Variants in CRKL observed in about 807,000 individuals in gnomAD.
CRKL encodes the protein CRK like proto-oncogene, adaptor protein.
In CRKL, 3 loss-of-function variants were observed where a neutral mutation model predicts 23.0. That is an observed-to-expected ratio of 0.13 (90% confidence interval 0.06 to 0.34). The LOEUF (loss-of-function observed/expected upper bound fraction) is 0.34. CRKL is among the 10% of genes least tolerant of loss of function. CRKL has a pLI of 1.00. For synonymous variants in CRKL, 188 were observed against 160.7 expected, an observed-to-expected ratio of 1.17 and a Z score of -1.28; for missense variants, 256 against 394.5, an observed-to-expected ratio of 0.65 and a Z score of 2.97.
Position 20,938,871 on chromosome 22 carries a change from T to C in CRKL, c.777+4627T>C, listed in dbSNP as rs566835383. On this transcript the variant is annotated intron_variant, in intron 2 of 2. Coordinates refer to ENST00000354336, the MANE Select transcript of CRKL (RefSeq NM_005207.4). ...CCCATGGTGTGGCATAAGAAAACAA[T>C]TGGTGACACAAGCTGGGGATCTGTG... is the stretch of plus-strand genomic sequence containing the variant. Among the ~76,000 whole-genome samples, 6 of 152,218 alleles carry C rather than the reference T, an allele frequency of 3.9e-5. No homozygotes were observed. In the South Asian group the frequency reaches 1.0e-3, roughly 26 times the overall value.
At chr22:20,934,747 A>G (rs761330475) in intron 2 of CRKL, among the ~76,000 whole-genome samples, 1 of 152,002 alleles carries the variant, frequency 6.6e-6, no homozygotes, top group Non-Finnish European at 1.5e-5. Flanking sequence ...TAACATTGGA[A>G]TCAGTTGAGA....
intron 1 of CRKL, among the ~76,000 whole-genome samples, chr22:20,919,761 C>T (rs1200368015): frequency 1.3e-5 from 2 of 151,904 alleles, no homozygotes; most frequent in South Asian, 4.1e-4. Flanking sequence ...GATTTGTCGA[C>T]CGGGTATTAC....
intron 2 of CRKL, among the ~76,000 whole-genome samples, chr22:20,945,703 C>CT (rs1922033221): frequency 6.6e-6 from 1 of 152,206 alleles, no homozygotes; most frequent in Non-Finnish European, 1.5e-5. Flanking sequence ...CTTAAAGCCT[C>CT]TATCTCTCTG....
rs1233445264 is a variant in CRKL, at chr22:20,946,592, T to TAAAC, written c.778-3119_778-3118insAAAC. On this transcript the variant is annotated intron_variant, in intron 2 of 2. Coordinates refer to ENST00000354336, the MANE Select transcript of CRKL (RefSeq NM_005207.4). ...GTCAGCCACATCTCCCAGGTGTAGT[T>TAAAC]TGCCCCGTGAACTGAGTTGGTATCT... Among the ~76,000 whole-genome samples the TAAAC allele has an allele frequency of 6.1e-4, 93 of 152,266 alleles. 1 individual carries two copies. Among genetic ancestry groups the TAAAC allele is most frequent in the African/African-American group, 2.2e-3 (90 of 41,544 alleles).
At chr22:20,939,143 G>A (rs1921768028) in intron 2 of CRKL, among the ~76,000 whole-genome samples, 1 of 151,424 alleles carries the variant, frequency 6.6e-6, no homozygotes, top group Admixed American at 6.6e-5. Context: ...AGTTTATTGA[G>A]TGCCTATTAT....
chr22:20,922,039 C>T (rs1359720375), intron 1 of CRKL, among the ~76,000 whole-genome samples: 7 of 108,162 alleles, frequency 6.5e-5, no homozygotes, highest in East Asian at 2.9e-4. Context: ...TGGTAGATGA[C>T]GTCTCACTCT....
In CRKL at chr22:20,950,226, G is replaced by T. The variant is rs572500671; in HGVS notation, c.*381G>T. Reference sequence around the variant, plus strand: ...CATGGCGAGATACTGCATGTTTGCTGTTCCACAAAGCAGTGGCTTAGCTGC... The same window carrying T: ...CATGGCGAGATACTGCATGTTTGCTTTTCCACAAAGCAGTGGCTTAGCTGC... On this transcript the variant is annotated 3_prime_UTR_variant, in exon 3 of 3. Transcript: ENST00000354336. 1 of 248,394 alleles carries T rather than the reference G, an allele frequency of 4.0e-6. No individual in the cohort carries two copies. Among genetic ancestry groups the T allele is most frequent in the South Asian group, 1.6e-4 (1 of 6,370 alleles). 15.4% of individuals were successfully genotyped at this position (248,394 alleles called of 1,614,324 possible). A position where few individuals can be genotyped will look rare whatever the true frequency, so the allele number is the denominator to read the frequency against.
At chr22:20,929,725 T>G (rs955123015) in intron 1 of CRKL, among the ~76,000 whole-genome samples, 1 of 152,202 alleles carries the variant, frequency 6.6e-6, no homozygotes, top group Non-Finnish European at 1.5e-5. Context: ...CCTTCCAAAG[T>G]GCTAGGATTG....
intron 2 of CRKL, among the ~76,000 whole-genome samples, chr22:20,949,489 CTATT>C (rs1188333905): frequency 6.6e-6 from 1 of 152,144 alleles, no homozygotes; most frequent in Admixed American, 6.5e-5. Flanking sequence ...GTAGTCACAG[CTATT>C]CAAGAGGTGG....
rs1929763433 is a variant in CRKL, at chr22:20,918,261, C to T, written c.311+16C>T. 2 of 1,611,400 alleles carry T rather than the reference C, an allele frequency of 1.2e-6. No individual in the cohort carries two copies. The highest frequency in any genetic ancestry group is 1.7e-6 in the Non-Finnish European group (2 of 1,179,134). ...CTGCGCCCAGGTACGCGAGAGCCCT[C>T]CCCGACCGCGGAGGAAGGTCGAGAA... On this transcript the variant is annotated intron_variant, in intron 1 of 2. Transcript: ENST00000354336.
rs1272747569 is a variant in CRKL at position 20,952,189 on chromosome 22, T to G, written c.*2344T>G. 8.8e-6 allele frequency: 2 copies of G among 228,222 alleles called. No homozygotes were observed. Among genetic ancestry groups the G allele is most frequent in the Non-Finnish European group, 1.7e-5 (2 of 115,928 alleles). 14.1% of individuals were successfully genotyped at this position (228,222 alleles called of 1,614,324 possible). ...TTTCAACCAGATTTAGCTGAAGGGC[T>G]TGACACCTTTGAATTACAGCAGTTG... On this transcript the variant is annotated 3_prime_UTR_variant, in exon 3 of 3. Transcript: ENST00000354336.
chr22:20,918,268 C>A (rs1324605080), intron 1 of CRKL, 23 bp downstream of exon 1: 2 of 1,609,964 alleles, frequency 1.2e-6, no homozygotes, highest in East Asian at 2.2e-5. Flanking sequence ...CCTCCCCGAC[C>A]GCGGAGGAAG....
intron 2 of CRKL, among the ~76,000 whole-genome samples, chr22:20,940,415 A>T (rs980711815): frequency 1.3e-5 from 2 of 152,082 alleles, no homozygotes; most frequent in African/African-American, 4.8e-5. Flanking sequence ...CCATCTTTTG[A>T]CAAAAAACAA....
Position 20,917,627 on chromosome 22 carries a change from AC to A in CRKL, c.-307del, listed in dbSNP as rs1159640256. On this transcript the variant is annotated 5_prime_UTR_variant, in exon 1 of 3. Transcript: ENST00000354336. ...GGGAGTCACTGGAGGCACCCCTGGG[AC>A]GCCGAGCAGCCCGAGAACCCCGGGG... The A allele has an allele frequency of 2.0e-5, 8 of 408,660 alleles. No individual in the cohort carries two copies. In the Admixed American group the frequency reaches 3.4e-4, roughly 18 times the overall value. The allele number at this position is 408,660 out of a possible 1,614,324, so 25.3% of individuals were successfully genotyped here.
At chr22:20,927,560 A>G (rs1210007001) in intron 1 of CRKL, among the ~76,000 whole-genome samples, 1 of 146,706 alleles carries the variant, frequency 6.8e-6, no homozygotes, top group Non-Finnish European at 1.5e-5. Flanking sequence ...CATAGAAAAG[A>G]GTAAGGGTGC....
At chr22:20,948,533 TGA>T (rs1922152839) in intron 2 of CRKL, among the ~76,000 whole-genome samples, 1 of 152,180 alleles carries the variant, frequency 6.6e-6, no homozygotes, top group East Asian at 1.9e-4. Context: ...GGAAGGAAAC[TGA>T]GACTTGGAGA....
intron 1 of CRKL, among the ~76,000 whole-genome samples, chr22:20,926,205 C>T (rs1056095260): frequency 6.6e-6 from 1 of 152,148 alleles, no homozygotes; most frequent in Non-Finnish European, 1.5e-5. Context: ...AAGATAAAGC[C>T]AACTTGTAAA....
In CRKL at chr22:20,951,827, T is replaced by G; in HGVS notation, c.*1982T>G. The G allele has an allele frequency of 4.5e-6, 1 of 221,460 alleles. No homozygotes were observed. Among genetic ancestry groups the G allele is most frequent in the Non-Finnish European group, 9.0e-6 (1 of 110,598 alleles). 13.7% of individuals were successfully genotyped at this position (221,460 alleles called of 1,614,324 possible). ...AGAATTAATGGTCATTTGGGAAAAC[T>G]ATCGCCATGGCTTCCCATCTGTGGT... On this transcript the variant is annotated 3_prime_UTR_variant, in exon 3 of 3. Coordinates refer to ENST00000354336, the MANE Select transcript of CRKL (RefSeq NM_005207.4).
rs1345221346 is a variant in CRKL, at chr22:20,933,935, T to A, written c.468T>A (p.Pro156=). The A allele has an allele frequency of 6.2e-7, 1 of 1,614,006 alleles. No individual in the cohort carries two copies. ...KGEILVIIEK[P]EEQWWSARNK... ...AGATCCTAGTGATAATAGAGAAGCCTGAAGAACAGTGGTGGAGTGCCCGGA... is the reference window on the plus strand; with the variant it reads ...AGATCCTAGTGATAATAGAGAAGCCAGAAGAACAGTGGTGGAGTGCCCGGA... The change falls in exon 2 of 3, where the codon CCT becomes CCA. Residue 156 remains proline, a synonymous_variant. Transcript: ENST00000354336.
Sources: allele counts gnomAD v4.1 joint callset (sites outside exome capture counted in the v4.1 genomes callset), GRCh38; gene constraint gnomAD v4.1.1; transcripts MANE v1.5; gene names NCBI Gene and HGNC (gene_info 2026-07-23, HGNC 2026-07-21).